The following VPS13B variants were observed in gnomAD, a reference collection of about 807,000 sequenced individuals.
The protein encoded by VPS13B is vacuolar protein sorting 13 homolog B.
In VPS13B, 285 loss-of-function variants were observed where a neutral mutation model predicts 426.4. The observed-to-expected ratio is 0.67, with a 90% CI of 0.61 to 0.74. The LOEUF is 0.74. Among genes scored for constraint, VPS13B ranks in the 30% least tolerant of loss-of-function variants. The pLI is 0.00. For missense variants in VPS13B, 4,537 were observed against 4,782.6 expected (o/e 0.95, Z 1.51); for synonymous variants, 1,676 against 1,676.4 (o/e 1.00, Z 0.01).
At chr8:99,418,470 T>G (rs1816166719) in intron 21 of VPS13B, among the ~76,000 whole-genome samples, 1 of 138,670 alleles carries the variant, frequency 7.2e-6, no homozygotes, top group Non-Finnish European at 1.5e-5. Context: ...TTTCTTTCTT[T>G]CTTTCTTTCT....
At chr8:99,038,658 A>G (rs2132222533) in intron 3 of VPS13B, 92 bp downstream of exon 3, 1 of 1,069,044 alleles carries the variant, frequency 9.4e-7, no homozygotes, top group South Asian at 1.4e-5. Flanking sequence ...ACTGTTACAT[A>G]AACATATCTT....
In VPS13B at chr8:99,705,281, G is replaced by T. The variant is rs1463597476; in HGVS notation, c.6454+5349G>T. 3.3e-5 allele frequency among the ~76,000 whole-genome samples: 5 copies of T among 152,108 alleles called. No homozygotes were observed. The East Asian group carries it at 5.8e-4, about 18-fold the overall frequency. On this transcript the variant is annotated intron_variant, in intron 36 of 61. Coordinates refer to ENST00000357162, the MANE Select transcript of VPS13B (RefSeq NM_152564.5). ...CTAAAAATTGGCTGGGAAATAAGAA[G>T]AACAAGTAAAATTATCTTAACTTTT...
At chr8:99,597,192 AG>A in intron 33 of VPS13B, among the ~76,000 whole-genome samples, 1 of 152,116 alleles carries the variant, frequency 6.6e-6, no homozygotes, top group South Asian at 2.1e-4. Flanking sequence ...TTCCCATTAT[AG>A]GGTCGCCCTG....
intron 3 of VPS13B, among the ~76,000 whole-genome samples, chr8:99,074,623 G>C (rs1052172868): frequency 1.3e-5 from 2 of 151,914 alleles, no homozygotes; most frequent in African/African-American, 4.8e-5. Context: ...ATGGATAATG[G>C]CTTGCAGGTA....
chr8:99,055,666 A>T (rs1843808631), intron 3 of VPS13B, among the ~76,000 whole-genome samples: 1 of 152,068 alleles, frequency 6.6e-6, no homozygotes, highest in Non-Finnish European at 1.5e-5. Context: ...TTGTTTTCTT[A>T]ATTTCCATTT....
intron 30 of VPS13B, among the ~76,000 whole-genome samples, chr8:99,541,335 C>A (rs1050477255): frequency 6.6e-6 from 1 of 152,006 alleles, no homozygotes; most frequent in African/African-American, 2.4e-5. Context: ...AAGCATGGCA[C>A]ATTTTTTTTT....
intron 25 of VPS13B, among the ~76,000 whole-genome samples, chr8:99,482,304 G>A (rs1820084226): frequency 6.6e-6 from 1 of 151,618 alleles, no homozygotes; most frequent in Admixed American, 6.6e-5. Flanking sequence ...TACCTCTTTT[G>A]TATAAGAAAT....
chr8:99,689,054 G>T (rs1030738631), intron 35 of VPS13B, among the ~76,000 whole-genome samples: 2 of 152,026 alleles, frequency 1.3e-5, no homozygotes, highest in African/African-American at 4.8e-5. Context: ...GTTCAGGTGT[G>T]GTTACATTTT....
chr8:99,260,956 CTT>C (rs1414774358), intron 17 of VPS13B, among the ~76,000 whole-genome samples: 2 of 151,504 alleles, frequency 1.3e-5, no homozygotes, highest in East Asian at 1.9e-4. Flanking sequence ...TAAAAAAAAA[CTT>C]AATTTTTTTT....
chr8:99,721,340 C>T (rs1195071195), intron 39 of VPS13B, among the ~76,000 whole-genome samples: 1 of 152,050 alleles, frequency 6.6e-6, no homozygotes, highest in East Asian at 1.9e-4. Context: ...TTTAGTTCAC[C>T]ACTCCTTTAT....
At chr8:99,387,569 G>A (rs938344103) in intron 20 of VPS13B, among the ~76,000 whole-genome samples, 13 of 151,968 alleles carry the variant, frequency 8.6e-5, no homozygotes, top group Admixed American at 3.3e-4. Flanking sequence ...TTTTACTACA[G>A]TTTGGCATAC....
chr8:99,457,540 TA>T (rs1444384534), intron 23 of VPS13B, among the ~76,000 whole-genome samples: 12 of 152,216 alleles, frequency 7.9e-5, no homozygotes, highest in Non-Finnish European at 1.5e-4. Flanking sequence ...CTGTTAGAAA[TA>T]ATTTTTAATT....
intron 17 of VPS13B, among the ~76,000 whole-genome samples, chr8:99,222,296 G>T (rs969527067): frequency 2.0e-5 from 3 of 152,112 alleles, no homozygotes; most frequent in African/African-American, 7.2e-5. Context: ...TTCCTTCCCA[G>T]TTCACCCCCA....
chr8:99,666,087 A>G (rs1830473058), intron 35 of VPS13B, among the ~76,000 whole-genome samples: 1 of 152,128 alleles, frequency 6.6e-6, no homozygotes, highest in Non-Finnish European at 1.5e-5. Flanking sequence ...GCAATTGTGA[A>G]TGGGAGTTCA....
intron 3 of VPS13B, among the ~76,000 whole-genome samples, chr8:99,072,790 G>A (rs1473657828): frequency 6.6e-6 from 1 of 152,002 alleles, no homozygotes; most frequent in Non-Finnish European, 1.5e-5. Flanking sequence ...TGGGAGATAG[G>A]GTTCCAGTTT....
chr8:99,764,454 C>T (rs1811103983), intron 39 of VPS13B, among the ~76,000 whole-genome samples: 1 of 136,346 alleles, frequency 7.3e-6, no homozygotes, highest in South Asian at 2.3e-4. Context: ...CCCTCTGTTG[C>T]CCAGGCTGGA....
intron 33 of VPS13B, among the ~76,000 whole-genome samples, chr8:99,602,435 G>A (rs1277045589): frequency 6.6e-6 from 1 of 152,148 alleles, no homozygotes; most frequent in East Asian, 1.9e-4. Flanking sequence ...GTAACGTGAT[G>A]CCTCCAGCTT....
intron 3 of VPS13B, among the ~76,000 whole-genome samples, chr8:99,044,896 A>ACAC (rs1314716515): frequency 1.9e-5 from 2 of 103,202 alleles, no homozygotes; most frequent in East Asian, 5.1e-4. Flanking sequence ...ACACACACAC[A>ACAC]CACCACCCCC....
intron 24 of VPS13B, among the ~76,000 whole-genome samples, chr8:99,468,716 CTCTT>C (rs1819241891): frequency 6.6e-6 from 1 of 152,088 alleles, no homozygotes; most frequent in South Asian, 2.1e-4. Context: ...TAAAGCAAGA[CTCTT>C]TCTCTTAAAA....
Sources: gnomAD v4.1 joint callset for allele counts (sites outside exome capture counted in the v4.1 genomes callset) on GRCh38, gnomAD v4.1.1 for gene constraint, MANE v1.5 for transcripts, NCBI Gene and HGNC (gene_info 2026-07-23, HGNC 2026-07-21) for gene names.